Variants in PCSK5 observed in about 807,000 individuals in gnomAD.
PCSK5 encodes the protein prohormone convertase 5.
In PCSK5, 129 loss-of-function variants were observed where a neutral mutation model predicts 233.2. The ratio of observed to expected loss-of-function variants is 0.55; its 90% CI spans 0.48 to 0.64. The LOEUF (loss-of-function observed/expected upper bound fraction) is 0.64, where lower values mean the gene tolerates loss of function less well. PCSK5 is among the 30% of genes least tolerant of loss of function. The probability of loss-of-function intolerance (pLI) is 0.00; values close to 1 mark genes in which losing one functional copy is unlikely to be tolerated. For synonymous variants in PCSK5, 825 were observed against 879.2 expected (o/e 0.94, Z 1.09); for missense variants, 2,076 against 2,430.1 (o/e 0.85, Z 3.06).
intron 5 of PCSK5, among the ~76,000 whole-genome samples, chr9:76,033,165 A>C (rs1240012216): frequency 1.3e-5 from 2 of 152,178 alleles, no homozygotes. Flanking sequence ...TGTTGTGAGG[A>C]GATAGTGTTC....
intron 1 of PCSK5, among the ~76,000 whole-genome samples, chr9:75,903,463 A>T (rs563025665): frequency 1.3e-5 from 2 of 151,186 alleles, no homozygotes; most frequent in African/African-American, 2.4e-5. Flanking sequence ...TTAAGATTTG[A>T]ACCTAGTTAA....
chr9:76,079,508 G>A (rs542071574), intron 7 of PCSK5, among the ~76,000 whole-genome samples: 47 of 152,234 alleles, frequency 3.1e-4, no homozygotes, highest in Middle Eastern at 3.4e-3. Context: ...ATTTTCGTGC[G>A]TTGGTTTTAT....
At chr9:76,132,847 A>C (rs12347303) in intron 9 of PCSK5, among the ~76,000 whole-genome samples, 2,753 of 152,180 alleles carry the variant, frequency 0.018, 68 homozygotes, top group African/African-American at 0.063. Flanking sequence ...TCTGATCACT[A>C]GACCCCTTCT....
intron 10 of PCSK5, among the ~76,000 whole-genome samples, chr9:76,146,709 G>C (rs1187680522): frequency 2.0e-5 from 3 of 151,996 alleles, no homozygotes; most frequent in Non-Finnish European, 2.9e-5. Flanking sequence ...TGATTGATTT[G>C]AGTACCTTAG....
chr9:76,165,338 T>G (rs903462607), intron 12 of PCSK5, among the ~76,000 whole-genome samples: 3 of 152,220 alleles, frequency 2.0e-5, no homozygotes, highest in Non-Finnish European at 4.4e-5. Flanking sequence ...TTAGAAATAA[T>G]TATATGATAA....
chr9:75,942,562 C>T (rs538529401), intron 2 of PCSK5, among the ~76,000 whole-genome samples: 31 of 152,272 alleles, frequency 2.0e-4, no homozygotes, highest in Non-Finnish European at 3.5e-4. Context: ...TCAGGTCTTG[C>T]AAGTTGTGGA....
intron 28 of PCSK5, among the ~76,000 whole-genome samples, chr9:76,303,349 A>T (rs1828677494): frequency 6.6e-6 from 1 of 152,160 alleles, no homozygotes; most frequent in Admixed American, 6.5e-5. Flanking sequence ...GACATTACAG[A>T]ATTTCATACC....
intron 24 of PCSK5, among the ~76,000 whole-genome samples, chr9:76,251,497 G>C (rs563738018): frequency 2.0e-5 from 3 of 147,872 alleles, no homozygotes; most frequent in Admixed American, 6.9e-5. Flanking sequence ...TGGAGGGACG[G>C]AGCTTGCAGT....
At chr9:76,023,659 A>C (rs79898451) in intron 3 of PCSK5, 79 bp from the exon 4 acceptor site, 16 of 1,389,096 alleles carry the variant, frequency 1.2e-5, no homozygotes, top group Non-Finnish European at 1.6e-5. Flanking sequence ...AAAAAAAAAA[A>C]CAAAAGAAAG....
chr9:76,144,589 T>C lies in PCSK5; in HGVS notation c.1312+10377T>C, dbSNP rs983653284. 4.7e-4 allele frequency among the ~76,000 whole-genome samples: 72 copies of C among 152,194 alleles called. 2 individuals are homozygous for C. The highest frequency in any genetic ancestry group is 1.7e-3 in the African/African-American group (69 of 41,462). On this transcript the variant is annotated intron_variant, in intron 10 of 37. Transcript: ENST00000674117. ...AGGAATGTGCCCTGCAGTGGGATGA[T>C]GTCCACCTTAAGGAAAGAGGTACCT... is the stretch of plus-strand genomic sequence containing the variant.
chr9:76,060,803 A>G (rs1382874485), intron 5 of PCSK5, among the ~76,000 whole-genome samples: 2 of 152,186 alleles, frequency 1.3e-5, no homozygotes, highest in Non-Finnish European at 2.9e-5. Flanking sequence ...ACTAAATAAT[A>G]GAATACATAA....
chr9:76,122,523 A>G (rs1390138392), intron 9 of PCSK5, among the ~76,000 whole-genome samples: 1 of 152,042 alleles, frequency 6.6e-6, no homozygotes, highest in Non-Finnish European at 1.5e-5. Flanking sequence ...TTTTCACTAC[A>G]TTGTGTCCAG....
At chr9:76,096,893 C>T (rs928962881) in intron 8 of PCSK5, among the ~76,000 whole-genome samples, 1 of 151,632 alleles carries the variant, frequency 6.6e-6, no homozygotes, top group Non-Finnish European at 1.5e-5. Flanking sequence ...TGAGCCACTG[C>T]GCCCCACCAA....
chr9:75,918,843 C>T (rs976090730), intron 1 of PCSK5, among the ~76,000 whole-genome samples: 3 of 152,178 alleles, frequency 2.0e-5, no homozygotes, highest in Non-Finnish European at 4.4e-5. Context: ...AATTGAATAA[C>T]ATCAATTTGA....
chr9:76,176,121 C>T lies in PCSK5; in HGVS notation c.1900+992C>T, dbSNP rs570046822. On this transcript the variant is annotated intron_variant, in intron 14 of 37. Transcript: ENST00000674117. ...TTAATGTCTACTGAATATTCACATG[C>T]TTTGCTTGGTAATCTCTTATTTTTT... 3.3e-5 allele frequency among the ~76,000 whole-genome samples: 5 copies of T among 151,822 alleles called. No homozygotes were observed. In the South Asian group the frequency reaches 8.3e-4, roughly 25 times the overall value.
intron 9 of PCSK5, among the ~76,000 whole-genome samples, chr9:76,121,909 C>T (rs1267528822): frequency 2.2e-5 from 1 of 46,336 alleles, no homozygotes; most frequent in South Asian, 6.3e-4. Context: ...CTGCAAGCTC[C>T]GCCTCCCGGG....
chr9:75,921,163 A>G (rs1290781302), intron 1 of PCSK5, among the ~76,000 whole-genome samples: 2 of 152,180 alleles, frequency 1.3e-5, no homozygotes, highest in Non-Finnish European at 2.9e-5. Flanking sequence ...TTAGAACAGT[A>G]GTTCTTCACT....
intron 5 of PCSK5, among the ~76,000 whole-genome samples, chr9:76,044,024 G>A (rs2131539886): frequency 6.6e-6 from 1 of 152,074 alleles, no homozygotes; most frequent in African/African-American, 2.4e-5. Context: ...AAAAAGGGTG[G>A]CTTGAAAAAT....
At chr9:76,003,358 G>T (rs1587484322) in intron 3 of PCSK5, among the ~76,000 whole-genome samples, 1 of 152,286 alleles carries the variant, frequency 6.6e-6, no homozygotes, top group East Asian at 1.9e-4. Context: ...GGGCAATAGA[G>T]CGAGACCCTG....
Sources: gnomAD v4.1 joint callset for allele counts (sites outside exome capture counted in the v4.1 genomes callset) on GRCh38, gnomAD v4.1.1 for gene constraint, MANE v1.5 for transcripts, NCBI Gene and HGNC (gene_info 2026-07-23, HGNC 2026-07-21) for gene names.